PMPCB: variants seen among roughly 807,000 people sequenced by gnomAD.
PMPCB encodes mitochondrial-processing peptidase subunit beta.
Under a neutral mutation model 61.5 loss-of-function variants are expected in PMPCB, and 46 were observed. The observed-to-expected ratio is 0.75, with a 90% CI of 0.59 to 0.96. The LOEUF is 0.96. Among genes scored for constraint, PMPCB ranks in the 40% least tolerant of loss-of-function variants. The pLI, the probability that PMPCB is intolerant of heterozygous loss-of-function variation, is 0.00. For missense variants in PMPCB, 590 were observed against 602.4 expected (o/e 0.98, Z 0.22); for synonymous variants, 191 against 201.6 (o/e 0.95, Z 0.44).
chr7:103,344,798 T>G, the PMPCB span: 1 of 647,550 alleles, frequency 1.5e-6, no homozygotes, highest in Non-Finnish European at 2.7e-6. Context: ...TTTCGTGGTG[T>G]GGAGGCCAGT....
intron 4 of PMPCB, among the ~76,000 whole-genome samples, chr7:103,302,516 A>C (rs1190924619): frequency 6.6e-6 from 1 of 152,188 alleles, no homozygotes; most frequent in African/African-American, 2.4e-5. Context: ...CCATTTGTCT[A>C]TGGGCTCTTT....
At chr7:103,322,849 A>C (rs1818495627) in intron 12 of PMPCB, 1 of 1,307,088 alleles carries the variant, frequency 7.7e-7, no homozygotes, top group African/African-American at 1.5e-5. Context: ...CTATGACTGG[A>C]AAATGCAATA....
chr7:103,315,733 C>G (rs1433987562), downstream of PMPCB: 1 of 1,447,956 alleles, frequency 6.9e-7, no homozygotes, highest in Non-Finnish European at 9.7e-7. Context: ...ACATGGCTAG[C>G]ATTTTCTACG....
intron 8 of PMPCB, chr7:103,309,306 T>C (rs1329968659): frequency 7.8e-6 from 3 of 384,096 alleles, no homozygotes; most frequent in Non-Finnish European, 1.4e-5. Flanking sequence ...AGTGGCAAAA[T>C]TTGAATAAGG....
At chr7:103,336,744 T>C in the PMPCB span, 1 of 152,250 alleles carries the variant, frequency 6.6e-6, no homozygotes, top group Admixed American at 6.5e-5. Flanking sequence ...TTCACATGCA[T>C]TACCATATGC....
intron 6 of PMPCB, among the ~76,000 whole-genome samples, chr7:103,306,648 G>C (rs1043246748): frequency 6.6e-5 from 10 of 152,084 alleles, no homozygotes; most frequent in African/African-American, 2.4e-4. Context: ...GCCTCCGAAA[G>C]TGTTGGGATT....
At position 103,298,688 on chromosome 7, in the gene PMPCB, T is replaced by G; in HGVS notation, c.220T>G (p.Ser74Ala). ...TGGACTCAGAGTAGCTTCGGAAGACTCTGGGCTCTCAACATGCACAGTAAG... is the reference window on the plus strand; with the variant it reads ...TGGACTCAGAGTAGCTTCGGAAGACGCTGGGCTCTCAACATGCACAGTAAG... ...ESGLRVASED[S>A]GLSTCTVGLW... Residue 74 changes from serine (S) to alanine (A), a missense_variant, in exon 2 of 13, where the codon TCT (serine) becomes GCT (alanine). Transcript: ENST00000249269. 1 of 1,614,132 alleles carries G rather than the reference T, an allele frequency of 6.2e-7. No homozygotes were observed. Among genetic ancestry groups the G allele is most frequent in the Non-Finnish European group, 8.5e-7 (1 of 1,179,994 alleles).
the PMPCB span, chr7:103,344,912 T>A: frequency 3.6e-6 from 2 of 557,094 alleles, no homozygotes; most frequent in Non-Finnish European, 6.4e-6. Flanking sequence ...CCTAGGCGCA[T>A]CAGTTTTCCT....
At chr7:103,320,673 GGCGGAGCTTGCAGTGA>G (rs1299112407) in intron 12 of PMPCB, among the ~76,000 whole-genome samples, 13 of 151,130 alleles carry the variant, frequency 8.6e-5, no homozygotes, top group Admixed American at 4.0e-4. Flanking sequence ...GAACCCAGGA[GGCGGAGCTTGCAGTGA>G]GCGGAGATTG....
At chr7:103,297,592 G>A (rs1362752200) in intron 1 of PMPCB, 34 bp downstream of exon 1, 3 of 1,611,256 alleles carry the variant, frequency 1.9e-6, no homozygotes, top group Non-Finnish European at 2.5e-6. Flanking sequence ...CTGTCCTCGA[G>A]ATCTCGCCAG....
At chr7:103,320,830 C>CTTTTT (rs745754898) in intron 12 of PMPCB, 52 of 113,776 alleles carry the variant, frequency 4.6e-4, no homozygotes, top group Non-Finnish European at 5.4e-4. Context: ...CTCAGCATGT[C>CTTTTT]TTTTTTTTTT....
At chr7:103,344,550 G>A in the PMPCB span, 1 of 1,613,708 alleles carries the variant, frequency 6.2e-7, no homozygotes. Flanking sequence ...AGGTTGGGTG[G>A]GCACTTACCA....
chr7:103,328,731 GT>G (rs201198665), intron 12 of PMPCB, among the ~76,000 whole-genome samples: 1,822 of 152,194 alleles, frequency 0.012, 35 homozygotes, highest in African/African-American at 0.042. Flanking sequence ...ATTTTCCATG[GT>G]TTTTTCCTTG....
At chr7:103,340,803 C>G in the PMPCB span, among the ~76,000 whole-genome samples, 5 of 152,212 alleles carry the variant, frequency 3.3e-5, no homozygotes, top group Non-Finnish European at 7.3e-5. Flanking sequence ...TTCAAAAAGT[C>G]TTTGGCTGTA....
chr7:103,315,091 G>C (rs1586061526), downstream of PMPCB, among the ~76,000 whole-genome samples: 1 of 151,948 alleles, frequency 6.6e-6, no homozygotes, highest in Admixed American at 6.6e-5. Context: ...TCATGACCCA[G>C]TGATGGGTCA....
Position 103,319,716 on chromosome 7 carries a change from AG to A in PMPCB, c.*1431+7586del, listed in dbSNP as rs752395905. On this transcript the variant is annotated intron_variant and NMD_transcript_variant, in intron 12 of 12. Transcript: ENST00000444457. ...AAAGAAGAAATGAAACTTTATCCTA[AG>A]CTCAAGTGAAGACTTCAATAGCAGT... is the stretch of plus-strand genomic sequence containing the variant. 3.7e-6 allele frequency: 6 copies of A among 1,614,014 alleles called. No individual in the cohort carries two copies. In the South Asian group the frequency reaches 6.6e-5, roughly 18 times the overall value.
At chr7:103,337,951 T>C in the PMPCB span, 7 of 636,888 alleles carry the variant, frequency 1.1e-5, no homozygotes, top group Admixed American at 2.7e-5. Context: ...TAAACCAGGG[T>C]CTATGGTCAG....
chr7:103,319,790 C>G (rs1485989220), intron 12 of PMPCB: 1 of 1,614,078 alleles, frequency 6.2e-7, no homozygotes, highest in African/African-American at 1.3e-5. Flanking sequence ...AGTTTTTCCA[C>G]TTCTTCCATC....
At chr7:103,305,866 C>T (rs1817561759) in intron 6 of PMPCB, among the ~76,000 whole-genome samples, 1 of 152,150 alleles carries the variant, frequency 6.6e-6, no homozygotes, top group Non-Finnish European at 1.5e-5. Context: ...GGAAATGGGA[C>T]AAGAGACTTG....
Sources: gnomAD v4.1 joint callset for allele counts (sites outside exome capture counted in the v4.1 genomes callset) on GRCh38, gnomAD v4.1.1 for gene constraint, MANE v1.5 for transcripts, NCBI Gene and HGNC (gene_info 2026-07-23, HGNC 2026-07-21) for gene names.